The following ITPR2 variants were observed in gnomAD, a reference collection of about 807,000 sequenced individuals.
ITPR2 encodes the protein inositol 1,4,5-trisphosphate-gated calcium channel ITPR2.
In ITPR2, 207 loss-of-function variants were observed where a neutral mutation model predicts 317.1. The ratio of observed to expected loss-of-function variants is 0.65; its 90% CI spans 0.58 to 0.73. The LOEUF is 0.73. ITPR2 is among the 30% of genes least tolerant of loss of function. The probability of loss-of-function intolerance (pLI) is 0.00; values close to 1 mark genes in which losing one functional copy is unlikely to be tolerated. For synonymous variants in ITPR2, 1,156 were observed against 1,149.1 expected, an observed-to-expected ratio of 1.01 and a Z score of -0.12; for missense variants, 2,613 against 3,284.0, an observed-to-expected ratio of 0.80 and a Z score of 4.99.
chr12:26,473,830 C>T (rs1319046962), intron 45 of ITPR2, among the ~76,000 whole-genome samples: 2 of 152,174 alleles, frequency 1.3e-5, no homozygotes, highest in Non-Finnish European at 2.9e-5. Context: ...TTTCCACATC[C>T]TAAATCTCCA....
intron 45 of ITPR2, among the ~76,000 whole-genome samples, chr12:26,465,981 C>A (rs118039022): frequency 6.6e-6 from 1 of 152,266 alleles, no homozygotes; most frequent in East Asian, 1.9e-4. Context: ...CATACCTGGG[C>A]AAGTAGGATA....
At chr12:26,370,321 G>A (rs762131258) in intron 55 of ITPR2, among the ~76,000 whole-genome samples, 27 of 152,226 alleles carry the variant, frequency 1.8e-4, no homozygotes, top group South Asian at 1.2e-3. Flanking sequence ...TGGTTAGCCC[G>A]GGAATTATAC....
rs1357989623 is a variant in ITPR2 at position 26,411,321 on chromosome 12, T to C, written c.7398A>G (p.Thr2466=). The change falls in exon 52 of 57, where the codon ACA becomes ACG. Residue 2466 remains threonine (T), a splice_region_variant and synonymous_variant. Coordinates refer to ENST00000381340, the MANE Select transcript of ITPR2 (RefSeq NM_002223.4). ...TGACCCAGAGTCCTTTCTACAAACC[T>C]GTATTTGAAGCTGGAATTGTGGGTG... ...NCSPTIPASN[T]ADEEYEDGIE... is the part of the protein sequence containing the mutation. 6.2e-7 allele frequency: 1 copy of C among 1,610,402 alleles called. No homozygotes were observed.
intron 37 of ITPR2, among the ~76,000 whole-genome samples, chr12:26,539,919 G>C (rs554075271): frequency 7.2e-5 from 11 of 152,342 alleles, no homozygotes; most frequent in African/African-American, 2.4e-4. Flanking sequence ...CAGAGAGCTG[G>C]TAACATTTAC....
At chr12:26,668,417 A>G (rs1333170785) in intron 13 of ITPR2, among the ~76,000 whole-genome samples, 1 of 152,206 alleles carries the variant, frequency 6.6e-6, no homozygotes, top group East Asian at 1.9e-4. Context: ...CTCCATGATT[A>G]AAGTCTCAAA....
intron 41 of ITPR2, among the ~76,000 whole-genome samples, chr12:26,485,864 C>T (rs549096036): frequency 1.3e-5 from 2 of 152,228 alleles, no homozygotes; most frequent in East Asian, 3.9e-4. Context: ...ATATTTGAGG[C>T]TAAAAATATT....
chr12:26,719,530 C>G (rs1389755938), intron 5 of ITPR2, among the ~76,000 whole-genome samples: 1 of 152,194 alleles, frequency 6.6e-6, no homozygotes, highest in Non-Finnish European at 1.5e-5. Flanking sequence ...GAAGTGGCAC[C>G]TGGTATGGTG....
At chr12:26,623,500 C>G (rs554731858) in intron 24 of ITPR2, 1 of 152,236 alleles carries the variant, frequency 6.6e-6, no homozygotes, top group Non-Finnish European at 1.5e-5. Context: ...TTGTTAATCT[C>G]TTAGTATGCC....
chr12:26,715,765 T>C lies in ITPR2; in HGVS notation c.695A>G (p.Asp232Gly). 1 of 1,598,772 alleles carries C rather than the reference T, an allele frequency of 6.3e-7. No homozygotes were observed. The highest frequency in any genetic ancestry group is 8.6e-7 in the Non-Finnish European group (1 of 1,166,898). The change falls in exon 7 of 57, where the codon GAT becomes GGT. Residue 232 changes from aspartate (D) to glycine (G), a missense_variant. Physicochemically the swap from Asp to Gly is moderately conservative, Grantham distance 94. This residue lies in a region of ITPR2 where 515 missense variants were observed against 789.4 expected (regional missense o/e 0.65). Transcript: ENST00000381340. ...LFMKYSSYRE[D>G]VLKGGDVVRL... ...GCACATACTTACTCCTTTTAATACATCCTCTCGATAGGAACTATATTTCAT... is the reference window on the plus strand; with the variant it reads ...GCACATACTTACTCCTTTTAATACACCCTCTCGATAGGAACTATATTTCAT...
chr12:26,429,656 G>A (rs1941153543), intron 48 of ITPR2, among the ~76,000 whole-genome samples: 1 of 152,158 alleles, frequency 6.6e-6, no homozygotes, highest in Non-Finnish European at 1.5e-5. Context: ...TAGACCTATC[G>A]CCATGCCTGT....
In ITPR2 at chr12:26,603,858, G is replaced by A. The variant is rs1301847031; in HGVS notation, c.3463-1152C>T. 1.3e-5 allele frequency among the ~76,000 whole-genome samples: 2 copies of A among 152,122 alleles called. 1 individual carries two copies. The highest frequency in any genetic ancestry group is 4.1e-4 in the South Asian group (2 of 4,836). ...ACGGCAAGAACTGACAGGGTCCATC[G>A]CAAAGATTGGGCAATCAGAGTGGGG... On this transcript the variant is annotated intron_variant, in intron 26 of 56. Coordinates refer to ENST00000381340, the MANE Select transcript of ITPR2 (RefSeq NM_002223.4).
intron 1 of ITPR2, among the ~76,000 whole-genome samples, chr12:26,797,104 T>C (rs1950459687): frequency 6.6e-6 from 1 of 151,900 alleles, no homozygotes; most frequent in Non-Finnish European, 1.5e-5. Context: ...AAAAAATGAA[T>C]AAATTGTACT....
chr12:26,564,534 C>T (rs11048579), intron 34 of ITPR2, among the ~76,000 whole-genome samples: 2 of 151,976 alleles, frequency 1.3e-5, no homozygotes, highest in African/African-American at 4.8e-5. Flanking sequence ...TTTGGAAATA[C>T]GGTCTTTGCA....
At position 26,436,327 on chromosome 12, in the gene ITPR2, C is replaced by A; in HGVS notation, c.6663G>T (p.Trp2221Cys). ...CCCAGAGAGAGATGTGCCTCGAGAA[C>A]CAGAACAGTGCAGGGTTATCTAGGA... ...KKIRNNPALF[W>C]FSRHISLWGS... The change falls in exon 48 of 57, where the codon TGG (tryptophan) becomes TGT (cysteine). Residue 2221 changes from tryptophan to cysteine, a missense_variant. This residue lies in a region of ITPR2 where 926 missense variants were observed against 1,072.8 expected (regional missense o/e 0.86). Coordinates refer to ENST00000381340, the MANE Select transcript of ITPR2 (RefSeq NM_002223.4). The A allele has an allele frequency of 6.2e-7, 1 of 1,611,696 alleles. No homozygotes were observed. Among genetic ancestry groups the A allele is most frequent in the Non-Finnish European group, 8.5e-7 (1 of 1,179,166 alleles).
chr12:26,515,014 AG>A (rs1168683700), intron 37 of ITPR2, among the ~76,000 whole-genome samples: 2 of 152,206 alleles, frequency 1.3e-5, no homozygotes, highest in African/African-American at 2.4e-5. Context: ...CCTAAATTCC[AG>A]GTAGTTTAAC....
At chr12:26,540,700 G>A (rs1944235246) in intron 37 of ITPR2, among the ~76,000 whole-genome samples, 1 of 152,168 alleles carries the variant, frequency 6.6e-6, no homozygotes, top group African/African-American at 2.4e-5. Flanking sequence ...GTGAGGCACA[G>A]TTAAGAACTT....
intron 35 of ITPR2, among the ~76,000 whole-genome samples, chr12:26,560,917 T>G: frequency 6.6e-6 from 1 of 152,214 alleles, no homozygotes; most frequent in East Asian, 1.9e-4. Context: ...CCATGCAATA[T>G]TCTACTAATT....
chr12:26,443,651 C>G lies in ITPR2; in HGVS notation c.6343-1G>C, dbSNP rs1168788541. On this transcript the variant is annotated splice_acceptor_variant, in intron 45 of 56. Transcript: ENST00000381340. LOFTEE classifies it high-confidence loss of function. ...GCAACAGTTTATTGTGGCGGGCCAA[C>G]TAGAGTAGGGAAAAAATAAAGGTTT... 6.2e-7 allele frequency: 1 copy of G among 1,611,664 alleles called. No individual in the cohort carries two copies. The highest frequency in any genetic ancestry group is 8.5e-7 in the Non-Finnish European group (1 of 1,178,408).
At chr12:26,710,411 A>G (rs7961587) in intron 9 of ITPR2, among the ~76,000 whole-genome samples, 107,127 of 152,090 alleles carry the variant, frequency 0.7, 38,554 homozygotes, top group African/African-American at 0.77. Context: ...CTCCAAATGC[A>G]TCTCATATAC....
Sources: gnomAD v4.1 joint callset for allele counts (sites outside exome capture counted in the v4.1 genomes callset) on GRCh38, gnomAD v4.1.1 for gene constraint, gnomAD v4.1.1 regional missense constraint, MANE v1.5 for transcripts, NCBI Gene and HGNC (gene_info 2026-07-23, HGNC 2026-07-21) for gene names.